ITPRIP: variants seen among roughly 807,000 people sequenced by gnomAD.
ITPRIP encodes the protein inositol 1,4,5-trisphosphate receptor interacting protein, also known as inositol 1,4,5-trisphosphate receptor-interacting protein.
Under a neutral mutation model 35.8 loss-of-function variants are expected in ITPRIP, and 32 were observed. The observed-to-expected ratio is 0.89, with a 90% CI of 0.68 to 1.20. The LOEUF (loss-of-function observed/expected upper bound fraction) is 1.20, where lower values mean the gene tolerates loss of function less well. Ranked by LOEUF, ITPRIP falls within the 50% of genes most tolerant of loss-of-function variation. The pLI is 0.00. For missense variants in ITPRIP, 653 were observed against 735.6 expected (o/e 0.89, Z 1.30); for synonymous variants, 358 against 324.0 (o/e 1.11, Z -1.13).
rs2013566949 is a variant in ITPRIP at position 104,314,319 on chromosome 10, C to T, written c.*89G>A. ...GCTCCCACGAAAGCCCGCCTTGTCC[C>T]CAGAACAGGGCTGGCAGATGCCACC... is the stretch of plus-strand genomic sequence containing the variant. On this transcript the variant is annotated 3_prime_UTR_variant, in exon 2 of 2. Coordinates refer to ENST00000337478, the MANE Select transcript of ITPRIP (RefSeq NM_001272013.2). 6.6e-7 allele frequency: 1 copy of T among 1,521,798 alleles called. No homozygotes were observed. Among genetic ancestry groups the T allele is most frequent in the Non-Finnish European group, 8.8e-7 (1 of 1,136,442 alleles). The allele number at this position is 1,521,798 out of a possible 1,614,324, so 94.3% of individuals were successfully genotyped here. A position where few individuals can be genotyped will look rare whatever the true frequency, so the allele number is the denominator to read the frequency against.
chr10:104,334,333 G>A (rs2014201923), intron 1 of ITPRIP, among the ~76,000 whole-genome samples: 1 of 152,224 alleles, frequency 6.6e-6, no homozygotes, highest in Non-Finnish European at 1.5e-5. Context: ...GCCAGCCTTG[G>A]CCCAGCCTCC....
rs567131944 is a variant in ITPRIP at position 104,315,418 on chromosome 10, C to T, written c.634G>A (p.Val212Met). 1.6e-5 allele frequency: 25 copies of T among 1,591,394 alleles called. No individual in the cohort carries two copies. In the South Asian group the frequency reaches 1.7e-4, roughly 11 times the overall value. Residue 212 changes from valine (V) to methionine (M), a missense_variant, in exon 2 of 2, where the codon GTG (valine) becomes ATG (methionine). Coordinates refer to ENST00000337478, the MANE Select transcript of ITPRIP (RefSeq NM_001272013.2). The surrounding 1 kb of genome is among the most constrained non-coding windows in gnomAD (Gnocchi z 5.7). ...VDRPLLCHLF[V>M]PFTPPEPYRF... ...TAGGGCTCGGGGGGTGTGAAGGGCA[C>T]GAAAAGGTGGCACAGCAGTGGCCTG... is the stretch of plus-strand genomic sequence containing the variant.
intron 1 of ITPRIP, among the ~76,000 whole-genome samples, chr10:104,337,484 G>A (rs1385733149): frequency 6.6e-6 from 1 of 152,156 alleles, no homozygotes; most frequent in Admixed American, 6.5e-5. Flanking sequence ...CCTGGTCGGT[G>A]GCTTTTTTTT....
Position 104,315,073 on chromosome 10 carries a change from G to A in ITPRIP, c.979C>T (p.Gln327Ter). ...TTCAGGGACCCCGGGCTGTCCAGCT[G>A]GCCAAAGGCCAGGTCGAACTCGTAC... ...HKYEFDLAFG[Q>*]LDSPGSLKIK... Residue 327 changes from glutamine to a stop codon, truncating the protein, a stop_gained, in exon 2 of 2, where the codon CAG becomes TAG. Transcript: ENST00000337478. LOFTEE classifies it high-confidence loss of function. This position sits in a 1 kb window ranked among gnomAD's most constrained non-coding sequence, Gnocchi z 5.7. 2 of 1,614,180 alleles carry A rather than the reference G, an allele frequency of 1.2e-6. No homozygotes were observed. Among genetic ancestry groups the A allele is most frequent in the Admixed American group, 1.7e-5 (1 of 60,022 alleles).
At chr10:104,324,964 T>C (rs1016491698) in intron 1 of ITPRIP, among the ~76,000 whole-genome samples, 1 of 152,150 alleles carries the variant, frequency 6.6e-6, no homozygotes, top group Admixed American at 6.5e-5. Flanking sequence ...CACCTATAAT[T>C]CCCAGCACTT....
At position 104,333,742 on chromosome 10, in the gene ITPRIP, ACT is replaced by A. The variant is rs905476645; in HGVS notation, c.-14+4502_-14+4503del. ...CTCCAAACAAACTGCTGGAAAGACC[ACT>A]GAGGATAGATGTCCTCCCCGTCTAG... On this transcript the variant is annotated intron_variant, in intron 1 of 1. Transcript: ENST00000337478. This position sits in a 1 kb window ranked among gnomAD's most constrained non-coding sequence, Gnocchi z 4.1. The A allele has an allele frequency of 6.6e-5, 10 of 152,328 alleles. No individual in the cohort carries two copies. Among genetic ancestry groups the A allele is most frequent in the African/African-American group, 2.4e-4 (10 of 41,518 alleles). The allele number at this position is 152,328 out of a possible 1,614,324, so 9.4% of individuals were successfully genotyped here.
At chr10:104,327,805 C>T (rs1432288020) in intron 1 of ITPRIP, among the ~76,000 whole-genome samples, 1 of 152,222 alleles carries the variant, frequency 6.6e-6, no homozygotes, top group East Asian at 1.9e-4. Flanking sequence ...CCATCAGCCT[C>T]ATGTCCCTGG....
chr10:104,315,550 C>A lies in ITPRIP; in HGVS notation c.502G>T (p.Val168Leu). 1 of 1,614,200 alleles carries A rather than the reference C, an allele frequency of 6.2e-7. No homozygotes were observed. The highest frequency in any genetic ancestry group is 8.5e-7 in the Non-Finnish European group (1 of 1,180,038). Residue 168 changes from valine (V) to leucine (L), a missense_variant, in exon 2 of 2, where the codon GTG (valine) becomes TTG (leucine). Physicochemically the swap from Val to Leu is conservative, Grantham distance 32. Transcript: ENST00000337478. This position sits in a 1 kb window ranked among gnomAD's most constrained non-coding sequence, Gnocchi z 5.7. ...ARTREFLEGFVDDLLEALRSL... is the reference protein window; with the variant it reads ...ARTREFLEGFLDDLLEALRSL... ...CTCAGGGCTTCCAGCAAGTCATCCA[C>A]GAAGCCTTCCAGGAACTCCCGGGTA...
At chr10:104,327,400 G>T (rs911014978) in intron 1 of ITPRIP, among the ~76,000 whole-genome samples, 6 of 152,000 alleles carry the variant, frequency 3.9e-5, no homozygotes, top group African/African-American at 1.4e-4. Context: ...GGACCTCTTG[G>T]TTCCCTCTCT....
Position 104,312,661 on chromosome 10 carries a change from T to A in ITPRIP, c.*1747A>T, listed in dbSNP as rs1281261641. 1 of 985,180 alleles carries A rather than the reference T, an allele frequency of 1.0e-6. No individual in the cohort carries two copies. The highest frequency in any genetic ancestry group is 1.2e-6 in the Non-Finnish European group (1 of 829,912). 61.0% of individuals were successfully genotyped at this position (985,180 alleles called of 1,614,324 possible). Reference sequence around the variant, plus strand: ...CTCACACTGGAAGGCTTCCTATAGGTTTGGTTGCCCTGATCACAGCCGAGC... The same window carrying A: ...CTCACACTGGAAGGCTTCCTATAGGATTGGTTGCCCTGATCACAGCCGAGC... On this transcript the variant is annotated 3_prime_UTR_variant, in exon 2 of 2. Coordinates refer to ENST00000337478, the MANE Select transcript of ITPRIP (RefSeq NM_001272013.2).
At chr10:104,316,174 C>G in intron 1 of ITPRIP, 110 bp from the exon 2 acceptor site, 1 of 939,286 alleles carries the variant, frequency 1.1e-6, no homozygotes, top group Non-Finnish European at 1.5e-6. Context: ...TTAGTTCTCC[C>G]ACCCAACCCA....
rs369506143 is a variant in ITPRIP at position 104,315,741 on chromosome 10, C to T, written c.311G>A (p.Arg104Gln). The T allele has an allele frequency of 1.7e-5, 28 of 1,613,736 alleles. 1 individual carries two copies. The highest frequency in any genetic ancestry group is 1.7e-4 in the Admixed American group (10 of 60,008). ...MILFLMIEVWRQDHQEGPSPE... is the reference protein window; with the variant it reads ...MILFLMIEVWQQDHQEGPSPE... Reference sequence around the variant, plus strand: ...TGAGGGCCCCTCCTGGTGGTCCTGCCGCCACACCTCGATCATCAGGAAGAG... The same window carrying T: ...TGAGGGCCCCTCCTGGTGGTCCTGCTGCCACACCTCGATCATCAGGAAGAG... The change falls in exon 2 of 2, where the codon CGG becomes CAG. Residue 104 changes from arginine (R) to glutamine (Q), a missense_variant. By Grantham distance (43) the Arg-to-Gln change is conservative (BLOSUM62 1). Transcript: ENST00000337478. The surrounding 1 kb of genome is among the most constrained non-coding windows in gnomAD (Gnocchi z 5.7).
intron 1 of ITPRIP, among the ~76,000 whole-genome samples, chr10:104,327,646 G>T (rs1300612416): frequency 6.6e-6 from 1 of 152,120 alleles, no homozygotes; most frequent in African/African-American, 2.4e-5. Flanking sequence ...TATGAATTAG[G>T]CCCCACTGAG....
chr10:104,337,033 C>A (rs1434310255), intron 1 of ITPRIP, among the ~76,000 whole-genome samples: 1 of 152,166 alleles, frequency 6.6e-6, no homozygotes, highest in Non-Finnish European at 1.5e-5. Flanking sequence ...AGAGCAGCCG[C>A]AACATACAGG....
intron 1 of ITPRIP, among the ~76,000 whole-genome samples, chr10:104,325,623 G>A (rs1216545105): frequency 6.6e-6 from 1 of 152,244 alleles, no homozygotes; most frequent in African/African-American, 2.4e-5. Context: ...TGTTGGGTTG[G>A]CATCCTGGTG....
rs1237783765 is a variant in ITPRIP, at chr10:104,310,340, G to A, written c.*4068C>T. The A allele has an allele frequency of 6.6e-6, 1 of 152,116 alleles. No homozygotes were observed. The highest frequency in any genetic ancestry group is 2.4e-5 in the African/African-American group (1 of 41,392). The allele number at this position is 152,116 out of a possible 1,614,324, so 9.4% of individuals were successfully genotyped here. A position where few individuals can be genotyped will look rare whatever the true frequency, so the allele number is the denominator to read the frequency against. ...CATAGATAAGGACTCCTTAGTTTGG[G>A]GGTGAATCAAGTTACTGTCTCACTC... On this transcript the variant is annotated 3_prime_UTR_variant, in exon 2 of 2. Coordinates refer to ENST00000337478, the MANE Select transcript of ITPRIP (RefSeq NM_001272013.2).
rs531996956 is a variant in ITPRIP at position 104,312,268 on chromosome 10, C to G, written c.*2140G>C. 6.5e-6 allele frequency: 1 copy of G among 152,702 alleles called. No individual in the cohort carries two copies. The highest frequency in any genetic ancestry group is 1.9e-4 in the East Asian group (1 of 5,176). 9.5% of individuals were successfully genotyped at this position (152,702 alleles called of 1,614,324 possible). On this transcript the variant is annotated 3_prime_UTR_variant, in exon 2 of 2. Transcript: ENST00000337478. ...CCGTTTCCCCACCGAGTTCTGTTGT[C>G]TCTGTACACACAAGAAGCCAGAAGA... is the stretch of plus-strand genomic sequence containing the variant.
At chr10:104,332,362 A>G (rs2014166130) in intron 1 of ITPRIP, among the ~76,000 whole-genome samples, 1 of 152,230 alleles carries the variant, frequency 6.6e-6, no homozygotes, top group South Asian at 2.1e-4. Flanking sequence ...CAATGACTTT[A>G]GCCACCGAAA....
At chr10:104,320,276 T>G (rs1245927689) in intron 1 of ITPRIP, among the ~76,000 whole-genome samples, 1 of 151,098 alleles carries the variant, frequency 6.6e-6, no homozygotes, top group Non-Finnish European at 1.5e-5. Flanking sequence ...TACCATCTCC[T>G]GTCTCTGAAA....
Sources: allele counts gnomAD v4.1 joint callset (sites outside exome capture counted in the v4.1 genomes callset), GRCh38; gene constraint gnomAD v4.1.1; non-coding constraint Gnocchi (gnomAD v3.1); transcripts MANE v1.5; gene names NCBI Gene and HGNC (gene_info 2026-07-23, HGNC 2026-07-21).